The following VAMP4 variants were observed in gnomAD, a reference collection of about 807,000 sequenced individuals.
VAMP4 encodes the protein vesicle-associated membrane protein 4.
A neutral mutation model predicts 23.5 loss-of-function variants in VAMP4; 19 were observed. The ratio of observed to expected loss-of-function variants is 0.81; its 90% CI spans 0.56 to 1.19. The LOEUF is 1.19. Ranked by LOEUF, VAMP4 falls within the 50% of genes most tolerant of loss-of-function variation. The pLI is 0.00. For synonymous variants in VAMP4, 31 were observed against 51.0 expected, an observed-to-expected ratio of 0.61 and a Z score of 1.67; for missense variants, 145 against 168.6, an observed-to-expected ratio of 0.86 and a Z score of 0.78.
intron 3 of VAMP4, among the ~76,000 whole-genome samples, chr1:171,723,646 T>C (rs995307769): frequency 6.6e-6 from 1 of 152,238 alleles, no homozygotes; most frequent in African/African-American, 2.4e-5. Context: ...CCAGATTTCA[T>C]ATTGTTTAAA....
intron 7 of VAMP4, 78 bp from the exon 8 acceptor site, chr1:171,704,612 T>C: frequency 1.8e-6 from 2 of 1,099,986 alleles, no homozygotes; most frequent in East Asian, 2.9e-5. Flanking sequence ...TTCCTAAATG[T>C]AGTTGTGTCT....
chr1:171,711,310 A>G (rs1382978123), intron 4 of VAMP4, among the ~76,000 whole-genome samples: 1 of 152,136 alleles, frequency 6.6e-6, no homozygotes, highest in Non-Finnish European at 1.5e-5. Context: ...CCTAGTTTCC[A>G]AAATGGAAAT....
At chr1:171,705,984 C>T (rs1049496544) in intron 7 of VAMP4, among the ~76,000 whole-genome samples, 1 of 151,914 alleles carries the variant, frequency 6.6e-6, no homozygotes, top group African/African-American at 2.4e-5. Flanking sequence ...TGCAAACTGC[C>T]ATTCCTGAGA....
intron 2 of VAMP4, among the ~76,000 whole-genome samples, chr1:171,731,436 G>C (rs1655564187): frequency 6.7e-6 from 1 of 148,246 alleles, no homozygotes; most frequent in Non-Finnish European, 1.5e-5. Context: ...AAAAAAAACA[G>C]GATTGCAACA....
At chr1:171,729,984 C>G (rs995573273) in intron 2 of VAMP4, among the ~76,000 whole-genome samples, 2 of 152,004 alleles carry the variant, frequency 1.3e-5, no homozygotes, top group African/African-American at 4.8e-5. Context: ...CAGAGACAGA[C>G]AGACATTACA....
chr1:171,705,201 TA>T (rs1654612149), intron 7 of VAMP4, among the ~76,000 whole-genome samples: 1 of 152,136 alleles, frequency 6.6e-6, no homozygotes, highest in South Asian at 2.1e-4. Context: ...AAAGACACTT[TA>T]TTTAATATGT....
chr1:171,711,429 T>C (rs1282580758), intron 4 of VAMP4, among the ~76,000 whole-genome samples: 1 of 152,116 alleles, frequency 6.6e-6, no homozygotes, highest in Non-Finnish European at 1.5e-5. Context: ...TGGGAATATT[T>C]TGAAGTACCC....
At chr1:171,722,412 C>T (rs1042300966) in intron 3 of VAMP4, among the ~76,000 whole-genome samples, 2 of 151,982 alleles carry the variant, frequency 1.3e-5, no homozygotes, top group African/African-American at 2.4e-5. Context: ...AATGGGATCT[C>T]ATTAAACTAA....
intron 3 of VAMP4, among the ~76,000 whole-genome samples, chr1:171,726,219 T>A (rs1307446922): frequency 6.6e-6 from 1 of 151,702 alleles, no homozygotes; most frequent in African/African-American, 2.4e-5. Flanking sequence ...GCCTGGCTAA[T>A]TTTTGTATTT....
Position 171,738,476 on chromosome 1 carries a change from A to G in VAMP4, c.-49-13T>C, listed in dbSNP as rs187827940. On this transcript the variant is annotated splice_polypyrimidine_tract_variant and intron_variant, in intron 1 of 7. Coordinates refer to ENST00000236192, the MANE Select transcript of VAMP4 (RefSeq NM_003762.5). ...GGATAGTCACCACCTTAAAGAGAAA[A>G]TAAATTTCATCAGATTTGAGACTTT... 1 of 1,530,348 alleles carries G rather than the reference A, an allele frequency of 6.5e-7. No individual in the cohort carries two copies. Among genetic ancestry groups the G allele is most frequent in the East Asian group, 2.2e-5 (1 of 44,452 alleles). 94.8% of individuals were successfully genotyped at this position (1,530,348 alleles called of 1,614,324 possible).
chr1:171,733,526 T>C (rs1310651139), intron 2 of VAMP4, among the ~76,000 whole-genome samples: 1 of 152,128 alleles, frequency 6.6e-6, no homozygotes, highest in Admixed American at 6.5e-5. Flanking sequence ...ACTAAAGATA[T>C]GTTTACTATA....
At chr1:171,733,451 C>T (rs1458184955) in intron 2 of VAMP4, among the ~76,000 whole-genome samples, 14 of 151,914 alleles carry the variant, frequency 9.2e-5, no homozygotes, top group Admixed American at 7.9e-4. Flanking sequence ...CAAAGCCAGA[C>T]CCTGTCTCAA....
intron 3 of VAMP4, among the ~76,000 whole-genome samples, chr1:171,724,126 T>C (rs1254288636): frequency 1.3e-5 from 2 of 152,106 alleles, no homozygotes; most frequent in Non-Finnish European, 1.5e-5. Flanking sequence ...ATATACACCA[T>C]GGAATACTAC....
intron 3 of VAMP4, among the ~76,000 whole-genome samples, chr1:171,722,980 T>C (rs978208444): frequency 6.6e-6 from 1 of 152,180 alleles, no homozygotes; most frequent in African/African-American, 2.4e-5. Flanking sequence ...TTTCCCTAAG[T>C]GTCGGCTGGT....
chr1:171,738,307 T>G (rs546751366), intron 2 of VAMP4, 42 bp downstream of exon 2: 2 of 1,602,576 alleles, frequency 1.2e-6, no homozygotes, highest in African/African-American at 2.7e-5. Context: ...TGAAAACATA[T>G]TTTGAATCTT....
intron 2 of VAMP4, among the ~76,000 whole-genome samples, chr1:171,732,309 C>A (rs1181007504): frequency 6.0e-5 from 9 of 150,338 alleles, no homozygotes; most frequent in African/African-American, 2.2e-4. Flanking sequence ...TCACTTGAGC[C>A]CAGGAGTTCA....
chr1:171,734,267 CAAAAAAAA>C (rs35870022), intron 2 of VAMP4, among the ~76,000 whole-genome samples: 1 of 79,658 alleles, frequency 1.3e-5, no homozygotes, highest in Non-Finnish European at 2.5e-5. Context: ...GACTCCGTCT[CAAAAAAAA>C]AAAAAAAAAA....
intron 2 of VAMP4, among the ~76,000 whole-genome samples, chr1:171,731,235 G>A (rs1046813991): frequency 3.9e-5 from 6 of 152,110 alleles, no homozygotes; most frequent in Non-Finnish European, 8.8e-5. Context: ...ATGGACACAG[G>A]AAGGGGAACA....
At chr1:171,738,103 GA>G in intron 2 of VAMP4, among the ~76,000 whole-genome samples, 1 of 152,060 alleles carries the variant, frequency 6.6e-6, no homozygotes, top group East Asian at 1.9e-4. Context: ...TGAATAGCTG[GA>G]ACCATAGGCA....
Sources: gnomAD v4.1 joint callset for allele counts (sites outside exome capture counted in the v4.1 genomes callset) on GRCh38, gnomAD v4.1.1 for gene constraint, MANE v1.5 for transcripts, NCBI Gene and HGNC (gene_info 2026-07-23, HGNC 2026-07-21) for gene names.